Variants in MACROD2 observed in about 807,000 individuals in gnomAD.
The protein encoded by MACROD2 is ADP-ribose glycohydrolase MACROD2.
MACROD2 carries 36 observed loss-of-function variants against 70.4 expected under a neutral mutation model. The observed-to-expected ratio is 0.51, with a 90% CI of 0.39 to 0.68. MACROD2 has a LOEUF of 0.68. Ranked by LOEUF, MACROD2 falls within the 30% of genes least tolerant of loss-of-function variation. The probability of loss-of-function intolerance (pLI) is 0.00; values close to 1 mark genes in which losing one functional copy is unlikely to be tolerated. For missense variants in MACROD2, 496 were observed against 538.4 expected, an observed-to-expected ratio of 0.92 and a Z score of 0.78; for synonymous variants, 172 against 178.8, an observed-to-expected ratio of 0.96 and a Z score of 0.30.
At chr20:15,551,426 T>G (rs757391305) in intron 8 of MACROD2, among the ~76,000 whole-genome samples, 1 of 152,114 alleles carries the variant, frequency 6.6e-6, no homozygotes, top group Admixed American at 6.5e-5. Flanking sequence ...TATCATATTA[T>G]TATTTTACCA....
At chr20:14,483,004 A>C (rs1281889602) in intron 3 of MACROD2, among the ~76,000 whole-genome samples, 1 of 152,196 alleles carries the variant, frequency 6.6e-6, no homozygotes, top group Non-Finnish European at 1.5e-5. Flanking sequence ...TACCTACTTC[A>C]TTAGCTTCTT....
At chr20:14,402,755 A>G (rs764674034) in intron 3 of MACROD2, among the ~76,000 whole-genome samples, 1 of 152,184 alleles carries the variant, frequency 6.6e-6, no homozygotes, top group Non-Finnish European at 1.5e-5. Flanking sequence ...AAACAGACCA[A>G]TAGAAAGAAA....
intron 4 of MACROD2, among the ~76,000 whole-genome samples, chr20:14,612,132 A>T (rs898665917): frequency 1.3e-5 from 2 of 152,178 alleles, no homozygotes; most frequent in African/African-American, 4.8e-5. Context: ...GGTGTAAATT[A>T]TCTAGCCAGA....
intron 12 of MACROD2, 116 bp downstream of exon 12, chr20:15,937,660 C>T (rs534117681): frequency 3.8e-5 from 33 of 875,924 alleles, no homozygotes; most frequent in Non-Finnish European, 5.1e-5. Context: ...TCTTAAGTGT[C>T]TCTGTTTCCA....
At chr20:15,489,480 C>T in intron 7 of MACROD2, among the ~76,000 whole-genome samples, 1 of 152,144 alleles carries the variant, frequency 6.6e-6, no homozygotes, top group South Asian at 2.1e-4. Context: ...TGTAATTGAG[C>T]CATCAGAACT....
Position 14,652,503 on chromosome 20 carries a change from A to G in MACROD2, c.302-32340A>G, listed in dbSNP as rs182583756. On this transcript the variant is annotated intron_variant, in intron 4 of 17. Transcript: ENST00000684519. ...AGTATGAGATTGACTATTGAATTTA[A>G]TAAGATAGTAACTTAACACAATAAC... Among the ~76,000 whole-genome samples, 12 of 152,308 alleles carry G rather than the reference A, an allele frequency of 7.9e-5. 1 individual carries two copies. The East Asian group carries it at 2.3e-3, about 29-fold the overall frequency.
intron 4 of MACROD2, among the ~76,000 whole-genome samples, chr20:14,671,058 G>C (rs1296815270): frequency 1.3e-5 from 2 of 152,198 alleles, no homozygotes; most frequent in Non-Finnish European, 2.9e-5. Flanking sequence ...ATCTTTGAAA[G>C]AGATGCTGAT....
intron 6 of MACROD2, among the ~76,000 whole-genome samples, chr20:15,430,978 G>C (rs2046356816): frequency 6.6e-6 from 1 of 151,970 alleles, no homozygotes. Flanking sequence ...GCTGGAAAGA[G>C]AGACTTGTGT....
At chr20:15,272,682 G>A (rs1324652073) in intron 6 of MACROD2, among the ~76,000 whole-genome samples, 2 of 152,168 alleles carry the variant, frequency 1.3e-5, no homozygotes, top group African/African-American at 2.4e-5. Context: ...GGTCTTGAAG[G>A]CATAGAGTGA....
At chr20:14,141,475 G>A (rs1317253688) in intron 3 of MACROD2, among the ~76,000 whole-genome samples, 2 of 152,158 alleles carry the variant, frequency 1.3e-5, no homozygotes, top group African/African-American at 4.8e-5. Flanking sequence ...GCTGGGCGCA[G>A]TGGCTCATGC....
intron 5 of MACROD2, among the ~76,000 whole-genome samples, chr20:15,077,765 GC>G (rs2075669534): frequency 6.6e-6 from 1 of 152,092 alleles, no homozygotes; most frequent in Non-Finnish European, 1.5e-5. Flanking sequence ...TCTTACCAGT[GC>G]AGCTGACTCG....
At chr20:15,622,607 C>T (rs1479407974) in intron 8 of MACROD2, among the ~76,000 whole-genome samples, 1 of 152,152 alleles carries the variant, frequency 6.6e-6, no homozygotes, top group Non-Finnish European at 1.5e-5. Flanking sequence ...GAGATTTCAT[C>T]ACACTACTCA....
At chr20:15,093,232 A>C (rs1272660463) in intron 5 of MACROD2, among the ~76,000 whole-genome samples, 2 of 152,064 alleles carry the variant, frequency 1.3e-5, no homozygotes, top group Non-Finnish European at 2.9e-5. Context: ...GGTTTGTATA[A>C]AAGGGTCCCA....
At chr20:14,921,371 T>C (rs563123983) in intron 5 of MACROD2, among the ~76,000 whole-genome samples, 6 of 152,194 alleles carry the variant, frequency 3.9e-5, no homozygotes, top group Non-Finnish European at 8.8e-5. Flanking sequence ...CGTCTTTGCC[T>C]GAGACAAGCA....
intron 3 of MACROD2, among the ~76,000 whole-genome samples, chr20:14,218,128 A>G (rs1169086903): frequency 6.6e-6 from 1 of 152,100 alleles, no homozygotes; most frequent in Admixed American, 6.5e-5. Flanking sequence ...GAAGTCCCCC[A>G]ATATTATTGT....
At chr20:15,356,404 C>A (rs2146235108) in intron 6 of MACROD2, among the ~76,000 whole-genome samples, 1 of 152,262 alleles carries the variant, frequency 6.6e-6, no homozygotes, top group South Asian at 2.1e-4. Context: ...TAAGTCAAAT[C>A]TCTCCAGTAT....
chr20:15,063,927 T>C (rs762212410), intron 5 of MACROD2, among the ~76,000 whole-genome samples: 1 of 152,168 alleles, frequency 6.6e-6, no homozygotes, highest in Non-Finnish European at 1.5e-5. Context: ...CATGATTTGA[T>C]TTCCAAAATT....
intron 4 of MACROD2, among the ~76,000 whole-genome samples, chr20:14,648,409 T>C (rs934193006): frequency 6.6e-6 from 1 of 152,180 alleles, no homozygotes; most frequent in African/African-American, 2.4e-5. Flanking sequence ...TTATTTTCAA[T>C]ATAATCTTCC....
rs536079079 is a variant in MACROD2, at chr20:14,655,585, AT to A, written c.302-29252del. 3.1e-3 allele frequency among the ~76,000 whole-genome samples: 478 copies of A among 152,194 alleles called. 3 individuals carry two copies. Among genetic ancestry groups the A allele is most frequent in the Middle Eastern group, 0.017 (5 of 294 alleles). On this transcript the variant is annotated intron_variant, in intron 4 of 17. Transcript: ENST00000684519. The stretch of plus-strand genomic sequence containing the variant: ...ACTTTATTGCTAAGCTATAAGAGGA[AT>A]TTTTTAGCTTATTTTTGCTTTGAGT...
Sources: allele counts gnomAD v4.1 joint callset (sites outside exome capture counted in the v4.1 genomes callset), GRCh38; gene constraint gnomAD v4.1.1; transcripts MANE v1.5; gene names NCBI Gene and HGNC (gene_info 2026-07-23, HGNC 2026-07-21).